TTC28: variants seen among roughly 807,000 people sequenced by gnomAD.
The protein encoded by TTC28 is tetratricopeptide repeat protein 28.
In TTC28, 61 loss-of-function variants were observed where a neutral mutation model predicts 198.0. The ratio of observed to expected loss-of-function variants is 0.31; its 90% confidence interval spans 0.25 to 0.38. The LOEUF (loss-of-function observed/expected upper bound fraction) is 0.38, where lower values mean the gene tolerates loss of function less well. TTC28 is among the 10% of genes least tolerant of loss of function. TTC28 has a pLI of 1.00. For missense variants in TTC28, 2,678 were observed against 3,164.0 expected, an observed-to-expected ratio of 0.85 and a Z score of 3.69; for synonymous variants, 1,171 against 1,297.8, an observed-to-expected ratio of 0.90 and a Z score of 2.10.
At chr22:28,634,729 T>C (rs2051239466) in intron 1 of TTC28, among the ~76,000 whole-genome samples, 1 of 151,348 alleles carries the variant, frequency 6.6e-6, no homozygotes, top group African/African-American at 2.4e-5. Context: ...GGATTACAGG[T>C]GTGCACCACC....
chr22:28,633,915 G>A lies in TTC28; in HGVS notation c.103-4085C>T, dbSNP rs561803648. On this transcript the variant is annotated intron_variant, in intron 1 of 22. Coordinates refer to ENST00000397906, the MANE Select transcript of TTC28 (RefSeq NM_001145418.2). ...TATAAGATCAAATCACCTTTATAGT[G>A]AAGGATCTGGCAAGTCCAGAAATTG... 1.9e-4 allele frequency among the ~76,000 whole-genome samples: 29 copies of A among 152,214 alleles called. 1 individual carries two copies. The South Asian group carries it at 6.0e-3, about 32-fold the overall frequency.
intron 5 of TTC28, among the ~76,000 whole-genome samples, chr22:28,196,252 G>A (rs1236448713): frequency 6.6e-6 from 1 of 152,098 alleles, no homozygotes; most frequent in East Asian, 1.9e-4. Flanking sequence ...AGCTGAAACT[G>A]GATCCCTTCC....
chr22:28,662,607 C>T (rs2051766116), intron 1 of TTC28, among the ~76,000 whole-genome samples: 1 of 152,332 alleles, frequency 6.6e-6, no homozygotes. Context: ...ATAATAATCT[C>T]AAACACCTAT....
chr22:28,504,894 TTC>T (rs1239596985), intron 2 of TTC28, among the ~76,000 whole-genome samples: 2 of 152,174 alleles, frequency 1.3e-5, no homozygotes, highest in Admixed American at 1.3e-4. Flanking sequence ...CATTATACAA[TTC>T]TTTTTTTATA....
chr22:28,646,623 G>C (rs1644530725), intron 1 of TTC28, among the ~76,000 whole-genome samples: 1 of 152,186 alleles, frequency 6.6e-6, no homozygotes, highest in African/African-American at 2.4e-5. Context: ...CCAGCACTCT[G>C]GGAGGCTGAG....
At chr22:28,406,205 T>G (rs2046995792) in intron 2 of TTC28, among the ~76,000 whole-genome samples, 1 of 152,260 alleles carries the variant, frequency 6.6e-6, no homozygotes, top group Admixed American at 6.5e-5. Flanking sequence ...ACTCTTAAAT[T>G]ACAATGAATT....
intron 1 of TTC28, among the ~76,000 whole-genome samples, chr22:28,639,810 C>T (rs754334036): frequency 3.3e-5 from 5 of 152,046 alleles, no homozygotes; most frequent in African/African-American, 7.3e-5. Flanking sequence ...AGCATGAAAA[C>T]GGACTAATAC....
chr22:28,511,927 C>T (rs1029717797), intron 2 of TTC28, among the ~76,000 whole-genome samples: 2 of 151,658 alleles, frequency 1.3e-5, no homozygotes, highest in Admixed American at 6.6e-5. Flanking sequence ...GACAAAAACA[C>T]CAAAAGCAAT....
rs1180191221 is a variant in TTC28, at chr22:28,302,054, T to C, written c.530-4202A>G. Among the ~76,000 whole-genome samples the C allele has an allele frequency of 2.0e-5, 3 of 150,166 alleles. No individual in the cohort carries two copies. The East Asian group carries it at 5.9e-4, about 29-fold the overall frequency. Reference sequence around the variant, plus strand: ...TCCTGTCTCAAAATAATAATAATAATAATAATAATAATATAACTTTTAATC... The same window carrying C: ...TCCTGTCTCAAAATAATAATAATAACAATAATAATAATATAACTTTTAATC... On this transcript the variant is annotated intron_variant, in intron 3 of 22. Coordinates refer to ENST00000397906, the MANE Select transcript of TTC28 (RefSeq NM_001145418.2).
intron 5 of TTC28, among the ~76,000 whole-genome samples, chr22:28,230,653 G>C (rs1928730097): frequency 6.6e-6 from 1 of 152,140 alleles, no homozygotes. Context: ...GACTGGGGGA[G>C]GTTCGAGAGA....
chr22:28,186,072 A>AT (rs34405134), intron 5 of TTC28, among the ~76,000 whole-genome samples: 3,521 of 152,202 alleles, frequency 0.023, 137 homozygotes, highest in East Asian at 0.16. Context: ...CTAATTTGCA[A>AT]TTTTTTTTAA....
At chr22:28,653,915 TAA>T (rs1202200001) in intron 1 of TTC28, among the ~76,000 whole-genome samples, 1 of 152,248 alleles carries the variant, frequency 6.6e-6, no homozygotes, top group Non-Finnish European at 1.5e-5. Context: ...AGAAGACACT[TAA>T]GTCTTCTGTC....
intron 2 of TTC28, among the ~76,000 whole-genome samples, chr22:28,493,692 C>T (rs1182912877): frequency 6.6e-6 from 1 of 152,150 alleles, no homozygotes; most frequent in Non-Finnish European, 1.5e-5. Flanking sequence ...TACAACAATA[C>T]TTCTGAGACA....
At chr22:28,063,457 C>T (rs1940628945) in intron 12 of TTC28, among the ~76,000 whole-genome samples, 1 of 152,162 alleles carries the variant, frequency 6.6e-6, no homozygotes, top group African/African-American at 2.4e-5. Flanking sequence ...TTTTGACACC[C>T]CTCCAGAATC....
At chr22:28,384,722 A>T (rs1278183381) in intron 2 of TTC28, among the ~76,000 whole-genome samples, 1 of 152,094 alleles carries the variant, frequency 6.6e-6, no homozygotes, top group Non-Finnish European at 1.5e-5. Flanking sequence ...ACATCTCTCC[A>T]TTTCCACTAC....
intron 12 of TTC28, among the ~76,000 whole-genome samples, chr22:28,089,486 G>A (rs1187619497): frequency 6.7e-6 from 1 of 150,080 alleles, no homozygotes; most frequent in Non-Finnish European, 1.5e-5. Flanking sequence ...GACACAGGAA[G>A]GGGAACATCA....
intron 5 of TTC28, among the ~76,000 whole-genome samples, chr22:28,284,446 A>G (rs2145744483): frequency 6.6e-6 from 1 of 152,292 alleles, no homozygotes; most frequent in East Asian, 1.9e-4. Flanking sequence ...ATTTGGGTAA[A>G]TCTTTTAATT....
intron 2 of TTC28, among the ~76,000 whole-genome samples, chr22:28,367,335 G>C (rs2046264053): frequency 6.6e-6 from 1 of 152,010 alleles, no homozygotes; most frequent in South Asian, 2.1e-4. Context: ...GCTCCTGAAT[G>C]ACCAATGGGT....
chr22:28,081,873 T>C (rs1414652369), intron 12 of TTC28, among the ~76,000 whole-genome samples: 1 of 152,222 alleles, frequency 6.6e-6, no homozygotes. Context: ...ATATTAACTC[T>C]TGTAGTCCAT....
Sources: gnomAD v4.1 joint callset for allele counts (sites outside exome capture counted in the v4.1 genomes callset) on GRCh38, gnomAD v4.1.1 for gene constraint, MANE v1.5 for transcripts, NCBI Gene and HGNC (gene_info 2026-07-23, HGNC 2026-07-21) for gene names.